The following RABGEF1 variants were observed in gnomAD, a reference collection of about 807,000 sequenced individuals.
RABGEF1 encodes the protein RAB guanine nucleotide exchange factor 1.
RABGEF1 carries 26 observed loss-of-function variants against 57.3 expected under a neutral mutation model. The observed-to-expected ratio is 0.45, with a 90% CI of 0.33 to 0.63. The LOEUF (loss-of-function observed/expected upper bound fraction) is 0.63. Among genes scored for constraint, RABGEF1 ranks in the 20% least tolerant of loss-of-function variants. The pLI, the probability that RABGEF1 is intolerant of heterozygous loss-of-function variation, is 0.02. For missense variants in RABGEF1, 464 were observed against 607.6 expected (o/e 0.76, Z 2.48); for synonymous variants, 185 against 210.7 (o/e 0.88, Z 1.06).
intron 1 of RABGEF1, among the ~76,000 whole-genome samples, chr7:66,769,190 C>A (rs971661395): frequency 2.6e-5 from 4 of 152,216 alleles, no homozygotes; most frequent in African/African-American, 7.2e-5. Context: ...CTGGGTGATA[C>A]TTCCAATTCT....
the RABGEF1 span, among the ~76,000 whole-genome samples, chr7:66,674,300 C>A: frequency 1.3e-4 from 19 of 151,808 alleles, no homozygotes; most frequent in Admixed American, 5.3e-4. Context: ...AGCAGTTCCC[C>A]TGCCTCAGCC....
intron 2 of RABGEF1, among the ~76,000 whole-genome samples, chr7:66,717,748 T>G (rs532080950): frequency 2.6e-5 from 4 of 152,032 alleles, no homozygotes; most frequent in Non-Finnish European, 5.9e-5. Context: ...TTTTCAGAGA[T>G]AGGGTTTTGC....
At chr7:66,657,815 T>C in the RABGEF1 span, among the ~76,000 whole-genome samples, 1 of 121,932 alleles carries the variant, frequency 8.2e-6, no homozygotes, top group African/African-American at 2.8e-5. Context: ...AGTGAGACTC[T>C]ATCTCAAAAA....
intron 2 of RABGEF1, among the ~76,000 whole-genome samples, chr7:66,720,567 T>C (rs1274754806): frequency 6.7e-6 from 1 of 149,368 alleles, no homozygotes; most frequent in Non-Finnish European, 1.5e-5. Context: ...CCAGAAAAAA[T>C]ACAGCTACAA....
At chr7:66,731,793 A>G (rs1466942106) in intron 2 of RABGEF1, among the ~76,000 whole-genome samples, 2 of 152,142 alleles carry the variant, frequency 1.3e-5, no homozygotes, top group Admixed American at 6.5e-5. Flanking sequence ...CCTCACCTTC[A>G]TCTAGAGCTG....
At chr7:66,689,862 A>G (rs1176293118) in intron 1 of RABGEF1, among the ~76,000 whole-genome samples, 2 of 152,134 alleles carry the variant, frequency 1.3e-5, no homozygotes, top group Non-Finnish European at 2.9e-5. Flanking sequence ...TAAATTGCTA[A>G]TTAAAATCCT....
chr7:66,740,635 T>G (rs914398692), upstream of RABGEF1: 1 of 152,636 alleles, frequency 6.6e-6, no homozygotes, highest in Non-Finnish European at 1.5e-5. Flanking sequence ...GCCCCGGAAG[T>G]GACGTTTACG....
At chr7:66,710,132 A>T (rs886855524) in intron 1 of RABGEF1, among the ~76,000 whole-genome samples, 1 of 152,218 alleles carries the variant, frequency 6.6e-6, no homozygotes, top group Non-Finnish European at 1.5e-5. Context: ...TATAAATGAA[A>T]TCATTTACTA....
chr7:66,700,167 C>T, intron 1 of RABGEF1, among the ~76,000 whole-genome samples: 1 of 152,206 alleles, frequency 6.6e-6, no homozygotes, highest in East Asian at 1.9e-4. Flanking sequence ...CACATTCCAG[C>T]CCTGGTTCAT....
intron 1 of RABGEF1, among the ~76,000 whole-genome samples, chr7:66,694,215 G>A (rs891989821): frequency 9.2e-5 from 14 of 152,238 alleles, no homozygotes; most frequent in African/African-American, 2.9e-4. Flanking sequence ...GGGGGACACC[G>A]TGGGGCAGCG....
chr7:66,657,164 A>G, the RABGEF1 span, among the ~76,000 whole-genome samples: 9 of 152,232 alleles, frequency 5.9e-5, no homozygotes, highest in African/African-American at 2.2e-4. Flanking sequence ...TCATATGCAG[A>G]CACCAACCCA....
the RABGEF1 span, among the ~76,000 whole-genome samples, chr7:66,660,727 T>A: frequency 1.3e-5 from 2 of 152,200 alleles, no homozygotes; most frequent in Non-Finnish European, 2.9e-5. Context: ...ACTGGATGGT[T>A]TTACCAGTCA....
rs922960850 is a variant in RABGEF1, at chr7:66,734,730, G to A, written c.-814-5266G>A. Among the ~76,000 whole-genome samples, 4 of 151,662 alleles carry A rather than the reference G, an allele frequency of 2.6e-5. No individual in the cohort carries two copies. The East Asian group carries it at 7.8e-4, about 30-fold the overall frequency. On this transcript the variant is annotated intron_variant and NMD_transcript_variant, in intron 2 of 9. Transcript: ENST00000607882. Reference sequence around the variant, plus strand: ...TTACAGGTGTGAGCCACCGTGCCTGGCCCCAAAGGAGCACTCCTGTGGGAG... The same window carrying A: ...TTACAGGTGTGAGCCACCGTGCCTGACCCCAAAGGAGCACTCCTGTGGGAG...
At chr7:66,736,491 AAGAC>A (rs1445964301), upstream of RABGEF1, among the ~76,000 whole-genome samples, 2 of 152,208 alleles carry the variant, frequency 1.3e-5, no homozygotes, top group African/African-American at 4.8e-5. Flanking sequence ...CAAGAGCACT[AAGAC>A]AGTAAATTCA....
intron 2 of RABGEF1, among the ~76,000 whole-genome samples, chr7:66,713,234 C>T (rs370607071): frequency 3.1e-4 from 47 of 151,910 alleles, no homozygotes; most frequent in South Asian, 1.0e-3. Flanking sequence ...CTCTGCTTCC[C>T]GGGTTCATGC....
At position 66,705,445 on chromosome 7, in the gene RABGEF1, G is replaced by GACAA. The variant is rs749409352; in HGVS notation, c.-872-6721_-872-6720insCAAA. On this transcript the variant is annotated intron_variant and NMD_transcript_variant, in intron 1 of 9. Transcript: ENST00000607882. ...GAGCGAAACTCCATCTCGAAAGAAAGAGAGAGAGAGAGAGAGAGAGAGAGA... is the reference window on the plus strand; with the variant it reads ...GAGCGAAACTCCATCTCGAAAGAAAGACAAAGAGAGAGAGAGAGAGAGAGAGAGA... Among the ~76,000 whole-genome samples, 634 of 89,694 alleles carry GACAA rather than the reference G, an allele frequency of 7.1e-3. 16 individuals are homozygous for GACAA. Among genetic ancestry groups the GACAA allele is most frequent in the East Asian group, 0.022 (64 of 2,898 alleles). 58.8% of individuals were successfully genotyped at this position (89,694 alleles called of 152,430 possible).
chr7:66,719,909 G>C (rs1024618603), intron 2 of RABGEF1, among the ~76,000 whole-genome samples: 19 of 152,192 alleles, frequency 1.2e-4, no homozygotes, highest in African/African-American at 4.3e-4. Context: ...AAGGTTTGCT[G>C]GTCCCTGATG....
chr7:66,757,590 T>C (rs1803073068), intron 1 of RABGEF1, among the ~76,000 whole-genome samples: 1 of 152,218 alleles, frequency 6.6e-6, no homozygotes, highest in Non-Finnish European at 1.5e-5. Context: ...CCATATACAG[T>C]AACTGCCTCT....
chr7:66,709,652 G>A (rs759815079), intron 1 of RABGEF1, among the ~76,000 whole-genome samples: 67 of 152,112 alleles, frequency 4.4e-4, no homozygotes, highest in Non-Finnish European at 6.2e-4. Flanking sequence ...CAGGCATCTT[G>A]TAATCCCACC....
Sources: allele counts gnomAD v4.1 joint callset (sites outside exome capture counted in the v4.1 genomes callset), GRCh38; gene constraint gnomAD v4.1.1; transcripts MANE v1.5; gene names NCBI Gene and HGNC (gene_info 2026-07-23, HGNC 2026-07-21).